GNE: variants seen among roughly 807,000 people sequenced by gnomAD.
GNE encodes the protein glucosamine (UDP-N-acetyl)-2-epimerase/N-acetylmannosamine kinase, also known as bifunctional UDP-N-acetylglucosamine 2-epimerase/N-acetylmannosamine kinase.
Under a neutral mutation model 61.8 loss-of-function variants are expected in GNE, and 41 were observed. That is an observed-to-expected ratio of 0.66 (90% CI 0.52 to 0.86). The LOEUF is 0.86. Among genes scored for constraint, GNE ranks in the 40% least tolerant of loss-of-function variants. The probability of loss-of-function intolerance (pLI) is 0.00; values close to 1 mark genes in which losing one functional copy is unlikely to be tolerated. For missense variants in GNE, 608 were observed against 909.1 expected (o/e 0.67, Z 4.26); for synonymous variants, 264 against 326.4 (o/e 0.81, Z 2.06).
At chr9:36,237,900 G>A (rs1407552879) in intron 3 of GNE, among the ~76,000 whole-genome samples, 6 of 151,734 alleles carry the variant, frequency 4.0e-5, no homozygotes, top group African/African-American at 1.5e-4. Flanking sequence ...ATATCAGTGA[G>A]AGCATACAAT....
intron 6 of GNE, among the ~76,000 whole-genome samples, chr9:36,228,224 ATCTCT>A (rs1240585548): frequency 1.3e-5 from 2 of 151,856 alleles, no homozygotes; most frequent in Non-Finnish European, 2.9e-5. Context: ...TAATATCTAG[ATCTCT>A]TCAGCAACAT....
chr9:36,257,466 G>T (rs185205364), intron 1 of GNE, among the ~76,000 whole-genome samples: 9 of 152,018 alleles, frequency 5.9e-5, no homozygotes, highest in Admixed American at 5.3e-4. Context: ...TACCAGAGTA[G>T]TAAAAAATAC....
rs148761405 is a variant in GNE at position 36,218,575 on chromosome 9, C to T, written c.1817-276G>A. ...CTCTGGCTCCCTCACTTCTCACTTC[C>T]AGTAGCAGACAGTCTTTGAAGTGTT... On this transcript the variant is annotated intron_variant, in intron 10 of 11. Transcript: ENST00000642385. The surrounding 1 kb of genome is among the most constrained non-coding windows in gnomAD (Gnocchi z 4.1). Among the ~76,000 whole-genome samples the T allele has an allele frequency of 1.3e-5, 2 of 152,344 alleles. No homozygotes were observed. The highest frequency in any genetic ancestry group is 3.9e-4 in the East Asian group (2 of 5,184).
chr9:36,219,485 A>G (rs2133003899), intron 10 of GNE, among the ~76,000 whole-genome samples: 1 of 152,324 alleles, frequency 6.6e-6, no homozygotes, highest in South Asian at 2.1e-4. Context: ...CTACACATAC[A>G]GTGCATGTAT....
At chr9:36,248,111 C>T (rs1005881264) in intron 2 of GNE, among the ~76,000 whole-genome samples, 108 of 151,114 alleles carry the variant, frequency 7.1e-4, no homozygotes, top group African/African-American at 2.6e-3. Flanking sequence ...TTCCTAGTAG[C>T]GAATTCCCAC....
chr9:36,269,953 C>T lies in GNE; in HGVS notation c.51+6941G>A, dbSNP rs564710942. On this transcript the variant is annotated intron_variant, in intron 1 of 11. Transcript: ENST00000396594. ...TTGGGATTACAGGCGTGAGCCACCG[C>T]GCCCGGCCGGTTGTTGGGTTTTCTT... Among the ~76,000 whole-genome samples the T allele has an allele frequency of 5.3e-5, 8 of 152,232 alleles. No individual in the cohort carries two copies. In the South Asian group the frequency reaches 1.2e-3, roughly 24 times the overall value.
intron 1 of GNE, among the ~76,000 whole-genome samples, chr9:36,270,493 G>C (rs1332756740): frequency 6.6e-6 from 1 of 151,586 alleles, no homozygotes; most frequent in African/African-American, 2.4e-5. Flanking sequence ...CTACTTGGGA[G>C]GCTGAGACAG....
rs772597073 is a variant in GNE, at chr9:36,246,117, C to T, written c.530G>A (p.Arg177His). Residue 177 changes from arginine to histidine, a missense_variant, in exon 3 of 12, where the codon CGC becomes CAC. Arg to His is a conservative substitution (Grantham distance 29). Transcript: ENST00000642385. ...GGAAGGGCAGCCTGCCAAAAGGATG[C>T]GATCATGGTCCTCACACATGGATAT... Reference protein sequence around the residue: ...HLISMCEDHDRILLAGCPSYD... With the variant: ...HLISMCEDHDHILLAGCPSYD... The T allele has an allele frequency of 6.2e-6, 10 of 1,614,040 alleles. No individual in the cohort carries two copies. Among genetic ancestry groups the T allele is most frequent in the South Asian group, 2.2e-5 (2 of 91,086 alleles).
intron 1 of GNE, chr9:36,267,791 G>A (rs1008296145): frequency 6.6e-6 from 1 of 151,892 alleles, no homozygotes; most frequent in African/African-American, 2.4e-5. Context: ...GTAGCTTTGT[G>A]CAGTGGCAGT....
At chr9:36,266,078 C>A (rs901809096) in intron 1 of GNE, among the ~76,000 whole-genome samples, 1 of 152,178 alleles carries the variant, frequency 6.6e-6, no homozygotes, top group Non-Finnish European at 1.5e-5. Flanking sequence ...GCTGGGATTA[C>A]AGGCATGCGG....
chr9:36,223,657 G>A lies in GNE; in HGVS notation c.1282-155C>T, dbSNP rs10758350. Among the ~76,000 whole-genome samples, 46,016 of 152,022 alleles carry A rather than the reference G, an allele frequency of 0.3. 7,734 individuals are homozygous for A. Among genetic ancestry groups the A allele is most frequent in the Non-Finnish European group, 0.38 (25,881 of 67,956 alleles). On this transcript the variant is annotated intron_variant, in intron 7 of 11. Transcript: ENST00000642385. ...GGGAAGGACCCACTGCCTGGTCTGG[G>A]CCAGCCCTGGGGTAAGCTCAAGTAG... is the stretch of plus-strand genomic sequence containing the variant.
chr9:36,250,203 G>C (rs563446795), intron 1 of GNE, among the ~76,000 whole-genome samples: 1 of 152,040 alleles, frequency 6.6e-6, no homozygotes, highest in Non-Finnish European at 1.5e-5. Flanking sequence ...TGTCTCATAA[G>C]GAACACAGGC....
intron 1 of GNE, among the ~76,000 whole-genome samples, chr9:36,269,700 C>T (rs13288830): frequency 2.9e-5 from 4 of 139,804 alleles, no homozygotes; most frequent in Non-Finnish European, 6.0e-5. Flanking sequence ...CTCGCTCTGT[C>T]GCCCAGGCTG....
intron 3 of GNE, among the ~76,000 whole-genome samples, chr9:36,244,719 T>G (rs542942902): frequency 4.9e-5 from 7 of 143,830 alleles, no homozygotes; most frequent in African/African-American, 1.8e-4. Context: ...GGGCGGATTA[T>G]GAGGTCAGGA....
chr9:36,249,805 A>G (rs954820992), intron 1 of GNE, among the ~76,000 whole-genome samples: 2 of 151,900 alleles, frequency 1.3e-5, no homozygotes, highest in Non-Finnish European at 2.9e-5. Flanking sequence ...AATGGCGTGA[A>G]CCCAGGAGGC....
At chr9:36,256,393 T>C (rs7023349) in intron 1 of GNE, among the ~76,000 whole-genome samples, 115,308 of 150,798 alleles carry the variant, frequency 0.76, 44,535 homozygotes, top group Non-Finnish European at 0.8. Context: ...CACAGGCGCC[T>C]GCCACCACAT....
In GNE at chr9:36,216,229, T is replaced by TA. The variant is rs762003038; in HGVS notation, c.*1135dup. 27 of 452,474 alleles carry TA rather than the reference T, an allele frequency of 6.0e-5. No homozygotes were observed. The highest frequency in any genetic ancestry group is 6.6e-4 in the Middle Eastern group (2 of 3,050). The allele number at this position is 452,474 out of a possible 1,614,324, so 28.0% of individuals were successfully genotyped here. On this transcript the variant is annotated 3_prime_UTR_variant, in exon 12 of 12. Coordinates refer to ENST00000642385, the MANE Select transcript of GNE (RefSeq NM_005476.7). ...GGCTTTAAAAACAATAAAGCTGTTT[T>TA]AAAAAAAAGTGTACTTAAGCCCTTC...
Position 36,269,259 on chromosome 9 carries a change from C to T in GNE, c.51+7635G>A, listed in dbSNP as rs994986848. On this transcript the variant is annotated intron_variant, in intron 1 of 11. Coordinates refer to the GNE transcript ENST00000396594. ...AATTATTTGTTTTTTGTCCCTACTC[C>T]TCCTCTTGCCCCTTAACATGAACAC... 2.6e-5 allele frequency among the ~76,000 whole-genome samples: 4 copies of T among 151,572 alleles called. No homozygotes were observed. In the Admixed American group the frequency reaches 2.6e-4, roughly 10 times the overall value.
chr9:36,230,619 C>T (rs537666618), intron 5 of GNE, among the ~76,000 whole-genome samples: 2 of 151,812 alleles, frequency 1.3e-5, no homozygotes, highest in African/African-American at 4.8e-5. Flanking sequence ...ACCAGGTCCA[C>T]CTAATTTTAA....
Sources: allele counts gnomAD v4.1 joint callset (sites outside exome capture counted in the v4.1 genomes callset), GRCh38; gene constraint gnomAD v4.1.1; non-coding constraint Gnocchi (gnomAD v3.1); transcripts MANE v1.5; gene names NCBI Gene and HGNC (gene_info 2026-07-23, HGNC 2026-07-21).